Variants in ZSWIM6 observed in about 807,000 individuals in gnomAD.
The protein encoded by ZSWIM6 is zinc finger SWIM domain-containing protein 6.
A neutral mutation model predicts 113.2 loss-of-function variants in ZSWIM6; 9 were observed. The ratio of observed to expected loss-of-function variants is 0.08; its 90% confidence interval spans 0.05 to 0.14. The LOEUF is 0.14. ZSWIM6 is among the 10% of genes least tolerant of loss of function. ZSWIM6 has a pLI of 1.00. For missense variants in ZSWIM6, 1,162 were observed against 1,552.2 expected, an observed-to-expected ratio of 0.75 and a Z score of 4.22; for synonymous variants, 611 against 606.5, an observed-to-expected ratio of 1.01 and a Z score of -0.11.
chr5:61,471,940 G>T (rs1747582578), intron 1 of ZSWIM6, among the ~76,000 whole-genome samples: 3 of 151,944 alleles, frequency 2.0e-5, no homozygotes, highest in African/African-American at 7.2e-5. Context: ...GTGTGTGTGT[G>T]TGTGTGTGTG....
At chr5:61,433,421 T>C (rs1287091031) in intron 1 of ZSWIM6, among the ~76,000 whole-genome samples, 2 of 151,936 alleles carry the variant, frequency 1.3e-5, no homozygotes, top group Non-Finnish European at 2.9e-5. Flanking sequence ...ATCTGTAGTA[T>C]ATAATAGCTT....
Position 61,453,378 on chromosome 5 carries a change from C to T in ZSWIM6, c.677-19303C>T, listed in dbSNP as rs1229836218. Among the ~76,000 whole-genome samples the T allele has an allele frequency of 5.5e-4, 75 of 135,872 alleles. 1 individual carries two copies. The highest frequency in any genetic ancestry group is 4.8e-4 in the South Asian group (2 of 4,200). The allele number at this position is 135,872 out of a possible 152,430, so 89.1% of individuals were successfully genotyped here. On this transcript the variant is annotated intron_variant, in intron 1 of 13. Coordinates refer to ENST00000252744, the MANE Select transcript of ZSWIM6 (RefSeq NM_020928.2). ...AACACTTTACGTCCACTCTCTCTCT[C>T]TTTTTTTTTTTTTTTGTGCCAGGGT...
At chr5:61,366,121 C>A (rs1322236314) in intron 1 of ZSWIM6, among the ~76,000 whole-genome samples, 1 of 152,144 alleles carries the variant, frequency 6.6e-6, no homozygotes, top group Non-Finnish European at 1.5e-5. Flanking sequence ...TTTTGAACTC[C>A]TGGGCTCTCA....
intron 4 of ZSWIM6, among the ~76,000 whole-genome samples, chr5:61,518,713 G>A (rs202140834): frequency 9.9e-5 from 15 of 151,838 alleles, no homozygotes; most frequent in Middle Eastern, 3.4e-3. Flanking sequence ...AGTAGGTTGC[G>A]AAAATTTTCT....
chr5:61,543,806 C>T lies in ZSWIM6; in HGVS notation c.3137C>T (p.Ala1046Val). The T allele has an allele frequency of 2.6e-6, 4 of 1,551,908 alleles. No homozygotes were observed. Among genetic ancestry groups the T allele is most frequent in the Non-Finnish European group, 1.7e-6 (2 of 1,147,044 alleles). The change falls in exon 14 of 14, where the codon GCC becomes GTC. Residue 1046 changes from alanine to valine, a missense_variant. This residue lies in a region of ZSWIM6 where 620 missense variants were observed against 804.6 expected (regional missense o/e 0.77). Transcript: ENST00000252744. This position sits in a 1 kb window ranked among gnomAD's most constrained non-coding sequence, Gnocchi z 4.3. Reference sequence around the variant, plus strand: ...GAGCACCGCGGGTACCCCATGAGGGCCTACAAGCTGGCCACCCTGGCCATG... The same window carrying T: ...GAGCACCGCGGGTACCCCATGAGGGTCTACAAGCTGGCCACCCTGGCCATG... ...YMEHRGYPMR[A>V]YKLATLAMTH... is the part of the protein sequence containing the mutation.
chr5:61,487,882 CTGAT>C (rs1294927816), intron 2 of ZSWIM6, among the ~76,000 whole-genome samples: 2 of 152,006 alleles, frequency 1.3e-5, no homozygotes. Flanking sequence ...TTTCTCTTGA[CTGAT>C]TGCTCTGAGT....
At chr5:61,526,941 A>G (rs1239356355) in intron 7 of ZSWIM6, among the ~76,000 whole-genome samples, 2 of 152,228 alleles carry the variant, frequency 1.3e-5, no homozygotes, top group Non-Finnish European at 2.9e-5. Context: ...ACAATGTGTA[A>G]GCATTCTAAA....
rs571933944 is a variant in ZSWIM6, at chr5:61,458,370, G to A, written c.677-14311G>A. On this transcript the variant is annotated intron_variant, in intron 1 of 13. Transcript: ENST00000252744. ...AAAATTTTACAGTTTGAGAATCTATGAGGAGATCTGCAAGAATGCCCTTAA... is the reference window on the plus strand; with the variant it reads ...AAAATTTTACAGTTTGAGAATCTATAAGGAGATCTGCAAGAATGCCCTTAA... Among the ~76,000 whole-genome samples, 692 of 152,278 alleles carry A rather than the reference G, an allele frequency of 4.5e-3. 4 individuals carry two copies. Among genetic ancestry groups the A allele is most frequent in the African/African-American group, 0.016 (665 of 41,546 alleles).
Position 61,332,322 on chromosome 5 carries a change from G to T in ZSWIM6, c.50G>T (p.Arg17Leu). 2.6e-6 allele frequency: 3 copies of T among 1,156,366 alleles called. No homozygotes were observed. The highest frequency in any genetic ancestry group is 3.2e-6 in the Non-Finnish European group (3 of 941,228). 71.6% of individuals were successfully genotyped at this position (1,156,366 alleles called of 1,614,324 possible). A position where few individuals can be genotyped will look rare whatever the true frequency, so the allele number is the denominator to read the frequency against. Residue 17 changes from arginine (R) to leucine (L), a missense_variant, in exon 1 of 14, where the codon CGG (arginine) becomes CTG (leucine). Around this residue, in one of 4 missense-constraint regions of ZSWIM6, gnomAD observed 333 missense variants for 293.4 expected, o/e 1.13. Transcript: ENST00000252744. ...QPPPAKRLCC[R>L]PGGGGGGGGS... ...CCTCCCGCGAAACGGCTTTGCTGCC[G>T]GCCGGGCGGCGGCGGCGGCGGCGGG...
At chr5:61,417,562 A>G (rs1157062747) in intron 1 of ZSWIM6, among the ~76,000 whole-genome samples, 1 of 152,194 alleles carries the variant, frequency 6.6e-6, no homozygotes, top group Non-Finnish European at 1.5e-5. Context: ...TTGTGTGAGT[A>G]GAGTCTGAAA....
chr5:61,461,919 A>G (rs908805952), intron 1 of ZSWIM6, among the ~76,000 whole-genome samples: 1 of 152,124 alleles, frequency 6.6e-6, no homozygotes, highest in Non-Finnish European at 1.5e-5. Context: ...CTTATTTTTC[A>G]TCATTATGTA....
chr5:61,527,376 G>A (rs1377363632), intron 7 of ZSWIM6, among the ~76,000 whole-genome samples: 1 of 152,034 alleles, frequency 6.6e-6, no homozygotes, highest in Non-Finnish European at 1.5e-5. Context: ...TGTTTTTAAT[G>A]CTTGGGTGAT....
At chr5:61,509,142 T>A (rs1748707647) in intron 4 of ZSWIM6, among the ~76,000 whole-genome samples, 1 of 152,120 alleles carries the variant, frequency 6.6e-6, no homozygotes, top group Non-Finnish European at 1.5e-5. Context: ...CTAAGTTGGA[T>A]GTTTGTCAAT....
intron 1 of ZSWIM6, among the ~76,000 whole-genome samples, chr5:61,418,388 G>A (rs900457857): frequency 2.0e-5 from 3 of 151,308 alleles, no homozygotes; most frequent in African/African-American, 2.4e-5. Flanking sequence ...CTGCCTCAGC[G>A]TCCGAAGTAG....
chr5:61,338,304 G>A (rs1264394478), intron 1 of ZSWIM6, among the ~76,000 whole-genome samples: 3 of 151,950 alleles, frequency 2.0e-5, no homozygotes, highest in African/African-American at 7.2e-5. Context: ...AAATAAAGAC[G>A]ATTCTGAATG....
intron 5 of ZSWIM6, among the ~76,000 whole-genome samples, chr5:61,523,087 C>A (rs1028624393): frequency 6.6e-6 from 1 of 152,154 alleles, no homozygotes; most frequent in African/African-American, 2.4e-5. Context: ...CGAAAGGCAC[C>A]AGGGTACCTA....
intron 1 of ZSWIM6, among the ~76,000 whole-genome samples, chr5:61,392,287 A>T (rs1745735433): frequency 6.6e-6 from 1 of 152,244 alleles, no homozygotes; most frequent in Non-Finnish European, 1.5e-5. Flanking sequence ...ACAGACATGC[A>T]TCTATATACC....
At chr5:61,528,810 A>T (rs2112273134) in intron 7 of ZSWIM6, among the ~76,000 whole-genome samples, 1 of 151,876 alleles carries the variant, frequency 6.6e-6, no homozygotes, top group East Asian at 1.9e-4. Context: ...CTGGTCTCGA[A>T]CTCCTGACCT....
intron 1 of ZSWIM6, among the ~76,000 whole-genome samples, chr5:61,467,846 T>C (rs1363491687): frequency 1.3e-5 from 2 of 148,638 alleles, no homozygotes; most frequent in Admixed American, 1.3e-4. Flanking sequence ...TCTTCTACTA[T>C]TGTCTGACTC....
Sources: allele counts gnomAD v4.1 joint callset (sites outside exome capture counted in the v4.1 genomes callset), GRCh38; gene constraint gnomAD v4.1.1; regional missense constraint gnomAD v4.1.1; non-coding constraint Gnocchi (gnomAD v3.1); transcripts MANE v1.5; gene names NCBI Gene and HGNC (gene_info 2026-07-23, HGNC 2026-07-21).